The following RIMS2 variants were observed in gnomAD, a reference collection of about 807,000 sequenced individuals.
RIMS2 encodes the protein regulating synaptic membrane exocytosis protein 2.
A neutral mutation model predicts 174.4 loss-of-function variants in RIMS2; 59 were observed. That is an observed-to-expected ratio of 0.34 (90% CI 0.27 to 0.42). The LOEUF (loss-of-function observed/expected upper bound fraction) is 0.42, where lower values mean the gene tolerates loss of function less well. RIMS2 is among the 10% of genes least tolerant of loss of function. The pLI is 1.00. For missense variants in RIMS2, 1,620 were observed against 1,666.3 expected (o/e 0.97, Z 0.48); for synonymous variants, 606 against 572.5 (o/e 1.06, Z -0.84).
intron 1 of RIMS2, among the ~76,000 whole-genome samples, chr8:103,506,294 C>A (rs1249789788): frequency 2.0e-5 from 3 of 152,034 alleles, no homozygotes; most frequent in Non-Finnish European, 4.4e-5. Flanking sequence ...TAAATAATAT[C>A]TTCCTCTTGA....
intron 1 of RIMS2, among the ~76,000 whole-genome samples, chr8:103,506,008 T>C (rs1475322405): frequency 6.6e-6 from 1 of 152,114 alleles, no homozygotes; most frequent in Non-Finnish European, 1.5e-5. Context: ...GTTTTATGGA[T>C]TTTGAGTTTG....
At chr8:103,893,522 T>C (rs1216291395) in intron 4 of RIMS2, among the ~76,000 whole-genome samples, 1 of 152,056 alleles carries the variant, frequency 6.6e-6, no homozygotes, top group African/African-American at 2.4e-5. Flanking sequence ...AATAATGCAG[T>C]TTAGATCAGG....
intron 19 of RIMS2, among the ~76,000 whole-genome samples, chr8:104,143,971 C>G (rs185695686): frequency 6.6e-6 from 1 of 152,302 alleles, no homozygotes; most frequent in Non-Finnish European, 1.5e-5. Flanking sequence ...CCACTTACCT[C>G]TATTCATTCA....
chr8:103,886,076 C>A (rs1297389759), exon 4 of RIMS2: 4 of 1,613,040 alleles, frequency 2.5e-6, no homozygotes, highest in South Asian at 1.1e-5. Context: ...GTCAGTGAGA[C>A]CTCCACCACC....
At chr8:103,834,268 A>G (rs2098843826) in intron 3 of RIMS2, among the ~76,000 whole-genome samples, 1 of 150,572 alleles carries the variant, frequency 6.6e-6, no homozygotes, top group African/African-American at 2.4e-5. Flanking sequence ...ATATAATTTA[A>G]TTGTTTTAAT....
At chr8:104,101,680 C>T (rs1423565164) in intron 19 of RIMS2, among the ~76,000 whole-genome samples, 3 of 152,106 alleles carry the variant, frequency 2.0e-5, no homozygotes, top group Non-Finnish European at 4.4e-5. Context: ...GTTAGGAGTA[C>T]CTAAAATCTA....
chr8:103,756,080 T>G (rs914160906), intron 2 of RIMS2, among the ~76,000 whole-genome samples: 1 of 152,216 alleles, frequency 6.6e-6, no homozygotes, highest in African/African-American at 2.4e-5. Context: ...ACGTTTGATC[T>G]TTGATGTTGG....
chr8:103,523,039 A>C (rs1832460161), intron 1 of RIMS2, among the ~76,000 whole-genome samples: 1 of 152,178 alleles, frequency 6.6e-6, no homozygotes, highest in South Asian at 2.1e-4. Flanking sequence ...CTTGAATGTA[A>C]ACTGGAATTA....
chr8:103,886,308 TA>T, intron 4 of RIMS2, 85 bp downstream of exon 7: 1 of 1,060,360 alleles, frequency 9.4e-7, no homozygotes, highest in South Asian at 1.7e-5. Flanking sequence ...GAAAATTTAA[TA>T]GGTATTACTA....
rs749489963 is a variant in RIMS2, at chr8:103,766,258, A to C, written c.419A>C (p.Gln140Pro). Residue 140 changes from glutamine to proline, a missense_variant, in exon 3 of 24, where the codon CAA becomes CCA. Physicochemically the swap from Gln to Pro is moderately conservative, Grantham distance 76. Coordinates refer to ENST00000504942, the Ensembl canonical transcript of RIMS2. The stretch of plus-strand genomic sequence containing the variant: ...TGGGTATGTAATTTGTGCCGAAAAC[A>C]ACAAGAAATCCTCACTAAATCAGGA... 16 of 1,613,136 alleles carry C rather than the reference A, an allele frequency of 9.9e-6. No individual in the cohort carries two copies. Among genetic ancestry groups the C allele is most frequent in the Non-Finnish European group, 1.1e-5 (13 of 1,179,522 alleles).
intron 6 of RIMS2, among the ~76,000 whole-genome samples, chr8:103,914,411 A>G (rs1244160085): frequency 6.6e-6 from 1 of 152,214 alleles, no homozygotes; most frequent in African/African-American, 2.4e-5. Flanking sequence ...TTGTTGTAAT[A>G]TGATTAAATA....
At chr8:104,235,970 G>A (rs115661090) in intron 19 of RIMS2, among the ~76,000 whole-genome samples, 1,940 of 151,832 alleles carry the variant, frequency 0.013, 38 homozygotes, top group African/African-American at 0.045. Context: ...TGGTTGTTAC[G>A]CATAATCTAA....
At chr8:104,190,003 A>G (rs1429965168) in intron 19 of RIMS2, among the ~76,000 whole-genome samples, 2 of 151,996 alleles carry the variant, frequency 1.3e-5, no homozygotes, top group African/African-American at 4.8e-5. Flanking sequence ...CTACTTAAAG[A>G]TAAGAGTGAC....
chr8:103,607,432 A>T (rs1226035179), intron 1 of RIMS2, among the ~76,000 whole-genome samples: 1 of 151,698 alleles, frequency 6.6e-6, no homozygotes, highest in Non-Finnish European at 1.5e-5. Context: ...GCTGCCCTTA[A>T]CATTTTTTCC....
At chr8:103,730,055 A>G (rs955937515) in intron 2 of RIMS2, among the ~76,000 whole-genome samples, 3 of 152,152 alleles carry the variant, frequency 2.0e-5, no homozygotes, top group African/African-American at 7.2e-5. Context: ...GTAATTATCT[A>G]TTAGGTCCAT....
intron 19 of RIMS2, among the ~76,000 whole-genome samples, chr8:104,137,059 A>G (rs2098526792): frequency 6.6e-6 from 1 of 152,210 alleles, no homozygotes; most frequent in South Asian, 2.1e-4. Context: ...AGTCATCTAC[A>G]TGCCAGGATT....
In RIMS2 at chr8:103,671,499, A is replaced by G. The variant is rs1328463147; in HGVS notation, c.177-25587A>G. 3.3e-5 allele frequency among the ~76,000 whole-genome samples: 5 copies of G among 152,214 alleles called. No homozygotes were observed. In the East Asian group the frequency reaches 9.6e-4, roughly 29 times the overall value. ...AGTACTAGGAATCCTTACTTAGTCCAAATGATATGATCCTAAAGTCATCAG... is the reference window on the plus strand; with the variant it reads ...AGTACTAGGAATCCTTACTTAGTCCGAATGATATGATCCTAAAGTCATCAG... On this transcript the variant is annotated intron_variant, in intron 1 of 23. Coordinates refer to ENST00000504942, the Ensembl canonical transcript of RIMS2.
intron 1 of RIMS2, among the ~76,000 whole-genome samples, chr8:103,610,832 T>C (rs998859450): frequency 6.6e-6 from 1 of 152,226 alleles, no homozygotes; most frequent in African/African-American, 2.4e-5. Flanking sequence ...AGGATAATGC[T>C]GGCCTCATAG....
chr8:104,245,719 A>G (rs898809389), intron 20 of RIMS2, among the ~76,000 whole-genome samples: 10 of 152,236 alleles, frequency 6.6e-5, no homozygotes, highest in African/African-American at 1.9e-4. Context: ...AATGGGGTTT[A>G]CTGGCCTCAC....
Sources: allele counts gnomAD v4.1 joint callset (sites outside exome capture counted in the v4.1 genomes callset), GRCh38; gene constraint gnomAD v4.1.1; transcripts MANE v1.5; gene names NCBI Gene and HGNC (gene_info 2026-07-23, HGNC 2026-07-21).